DDX4: variants seen among roughly 807,000 people sequenced by gnomAD.
The protein encoded by DDX4 is probable ATP-dependent RNA helicase DDX4.
In DDX4, 25 loss-of-function variants were observed where a neutral mutation model predicts 100.0. That is an observed-to-expected ratio of 0.25 (90% CI 0.18 to 0.35). The LOEUF is 0.35. Ranked by LOEUF, DDX4 falls within the 10% of genes least tolerant of loss-of-function variation. The probability of loss-of-function intolerance (pLI) is 1.00; values close to 1 mark genes in which losing one functional copy is unlikely to be tolerated. For synonymous variants in DDX4, 259 were observed against 275.7 expected (o/e 0.94, Z 0.60); for missense variants, 635 against 882.4 (o/e 0.72, Z 3.55).
At chr5:55,796,131 CCTT>C (rs1742918199) in intron 17 of DDX4, among the ~76,000 whole-genome samples, 1 of 152,160 alleles carries the variant, frequency 6.6e-6, no homozygotes, top group African/African-American at 2.4e-5. Context: ...AGTTATCCCA[CCTT>C]CTTCTGCCTG....
intron 17 of DDX4, among the ~76,000 whole-genome samples, chr5:55,795,880 C>G (rs886852449): frequency 1.3e-4 from 20 of 152,078 alleles, no homozygotes; most frequent in Admixed American, 9.8e-4. Context: ...CACACAATCA[C>G]AAGGTGAAGT....
intron 2 of DDX4, among the ~76,000 whole-genome samples, chr5:55,739,450 G>T (rs1758864602): frequency 6.6e-6 from 1 of 152,190 alleles, no homozygotes; most frequent in Non-Finnish European, 1.5e-5. Flanking sequence ...GGCTGATTGA[G>T]TTGGTAACAT....
At chr5:55,812,638 C>T (rs1380854308) in intron 18 of DDX4, among the ~76,000 whole-genome samples, 1 of 152,138 alleles carries the variant, frequency 6.6e-6, no homozygotes, top group East Asian at 1.9e-4. Context: ...TTGTCTTTCA[C>T]TCTTCCTTAA....
At chr5:55,786,292 G>A (rs1330770851) in intron 13 of DDX4, among the ~76,000 whole-genome samples, 1 of 152,034 alleles carries the variant, frequency 6.6e-6, no homozygotes, top group Non-Finnish European at 1.5e-5. Context: ...CAGGAAAAAT[G>A]TTTTTAAAGC....
At chr5:55,806,118 G>A (rs963591994) in intron 18 of DDX4, among the ~76,000 whole-genome samples, 8 of 152,296 alleles carry the variant, frequency 5.3e-5, no homozygotes, top group African/African-American at 1.2e-4. Context: ...GCGTAGAGGT[G>A]TTTGTAGCAT....
chr5:55,743,529 A>G (rs1358512803), intron 2 of DDX4, among the ~76,000 whole-genome samples: 18 of 152,160 alleles, frequency 1.2e-4, no homozygotes, highest in Non-Finnish European at 2.5e-4. Flanking sequence ...TCCTGGGTTC[A>G]GGCGATTCTC....
At chr5:55,771,121 C>T (rs1360255036) in intron 7 of DDX4, among the ~76,000 whole-genome samples, 1 of 152,046 alleles carries the variant, frequency 6.6e-6, no homozygotes, top group African/African-American at 2.4e-5. Flanking sequence ...TCAGAAAATA[C>T]ACGTGTGTAT....
rs1241595820 is a variant in DDX4 at position 55,787,735 on chromosome 5, AC to A, written c.1018-109del. Reference sequence around the variant, plus strand: ...TGTTTTCATTTCTCATCTTAAATTTACCAGTAAGATGGAAGTAGAGTCTAAA... The same window carrying A: ...TGTTTTCATTTCTCATCTTAAATTTACAGTAAGATGGAAGTAGAGTCTAAA... On this transcript the variant is annotated intron_variant, in intron 14 of 21. Transcript: ENST00000505374. 6.0e-6 allele frequency: 7 copies of A among 1,173,854 alleles called. No individual in the cohort carries two copies. The African/African-American group carries it at 1.1e-4, about 18-fold the overall frequency. 72.7% of individuals were successfully genotyped at this position (1,173,854 alleles called of 1,614,324 possible).
intron 2 of DDX4, among the ~76,000 whole-genome samples, chr5:55,745,330 A>G (rs770926630): frequency 1.3e-5 from 2 of 152,236 alleles, no homozygotes; most frequent in African/African-American, 4.8e-5. Context: ...ATACTGTAAT[A>G]TATGGAACTT....
intron 17 of DDX4, among the ~76,000 whole-genome samples, chr5:55,796,807 CT>C (rs1320426223): frequency 1.4e-5 from 1 of 70,114 alleles, no homozygotes; most frequent in African/African-American, 4.3e-5. Flanking sequence ...CTTTTCTTTT[CT>C]TTTTTTCTTT....
chr5:55,756,319 A>G (rs1013604985), intron 3 of DDX4, among the ~76,000 whole-genome samples: 1 of 152,174 alleles, frequency 6.6e-6, no homozygotes, highest in Admixed American at 6.6e-5. Flanking sequence ...TAATGAGATC[A>G]CCAGGTAATT....
chr5:55,742,606 T>A (rs1199407253), intron 2 of DDX4, among the ~76,000 whole-genome samples: 1 of 152,352 alleles, frequency 6.6e-6, no homozygotes, highest in Middle Eastern at 3.4e-3. Context: ...AGAACACTTA[T>A]GTGTTAAACA....
chr5:55,807,682 C>G (rs35661099), intron 18 of DDX4, among the ~76,000 whole-genome samples: 7 of 152,042 alleles, frequency 4.6e-5, no homozygotes, highest in Admixed American at 3.9e-4. Flanking sequence ...GAGTTTCTGC[C>G]GAGAGATCAG....
intron 7 of DDX4, among the ~76,000 whole-genome samples, chr5:55,768,886 T>C (rs960664167): frequency 6.6e-6 from 1 of 152,238 alleles, no homozygotes; most frequent in African/African-American, 2.4e-5. Context: ...TTAGTGATGC[T>C]GAGCATTTTT....
chr5:55,814,869 G>C (rs1208112044), intron 19 of DDX4, 32 bp from the exon 20 acceptor site: 3 of 1,580,332 alleles, frequency 1.9e-6, no homozygotes, highest in African/African-American at 1.4e-5. Flanking sequence ...TTTTAAGAGT[G>C]GTTCTAATAA....
intron 17 of DDX4, among the ~76,000 whole-genome samples, chr5:55,796,236 G>C (rs1262539212): frequency 6.6e-6 from 1 of 152,192 alleles, no homozygotes; most frequent in East Asian, 1.9e-4. Context: ...TGAAATGTCA[G>C]TCTCCTCTGG....
In DDX4 at chr5:55,787,841, T is replaced by A; in HGVS notation, c.1018-5T>A. On this transcript the variant is annotated splice_polypyrimidine_tract_variant and splice_region_variant and intron_variant, in intron 14 of 21. Coordinates refer to ENST00000505374, the MANE Select transcript of DDX4 (RefSeq NM_024415.3). ...AGTTTGTAAACTAAGCAACTTAACT[T>A]CTAGGCGGCTTTTCTCCTACCAATT... 3 of 1,610,908 alleles carry A rather than the reference T, an allele frequency of 1.9e-6. No homozygotes were observed. Among genetic ancestry groups the A allele is most frequent in the Non-Finnish European group, 2.5e-6 (3 of 1,179,006 alleles).
At chr5:55,813,541 G>T in intron 18 of DDX4, 132 bp from the exon 19 acceptor site, 1 of 1,251,094 alleles carries the variant, frequency 8.0e-7, no homozygotes. Context: ...TATGTACCAG[G>T]CTTGGCTGTG....
intron 18 of DDX4, among the ~76,000 whole-genome samples, chr5:55,802,706 C>A (rs191946630): frequency 1.8e-3 from 278 of 152,292 alleles, no homozygotes; most frequent in Non-Finnish European, 2.4e-3. Context: ...CTATAGCTTA[C>A]AGCACAGCCT....
Sources: gnomAD v4.1 joint callset for allele counts (sites outside exome capture counted in the v4.1 genomes callset) on GRCh38, gnomAD v4.1.1 for gene constraint, MANE v1.5 for transcripts, NCBI Gene and HGNC (gene_info 2026-07-23, HGNC 2026-07-21) for gene names.